MROH9: variants seen among roughly 807,000 people sequenced by gnomAD.
The protein encoded by MROH9 is maestro heat-like repeat-containing protein family member 9.
Under a neutral mutation model 98.2 loss-of-function variants are expected in MROH9, and 92 were observed. The observed-to-expected ratio is 0.94, with a 90% confidence interval of 0.79 to 1.11. The LOEUF (loss-of-function observed/expected upper bound fraction) is 1.11. MROH9 is among the 50% of genes most tolerant of loss of function. The pLI is 0.00. For synonymous variants in MROH9, 397 were observed against 368.9 expected (o/e 1.08, Z -0.87); for missense variants, 1,057 against 1,014.8 (o/e 1.04, Z -0.57).
rs772823483 is a variant in MROH9, at chr1:170,959,491, C to G, written c.182C>G (p.Ser61Cys). 1 of 1,611,330 alleles carries G rather than the reference C, an allele frequency of 6.2e-7. No individual in the cohort carries two copies. The highest frequency in any genetic ancestry group is 1.1e-5 in the South Asian group (1 of 90,180). Residue 61 changes from serine to cysteine, a missense_variant, in exon 5 of 22, where the codon TCT becomes TGT. Transcript: ENST00000367759. ...GTGGATCCCTTACTGCAGTTTGAAT[C>G]TCAGTTGAAGATAATAGAGTCATCC... ...SFVDPLLQFE[S>C]QLKIIESSFG...
intron 4 of MROH9, among the ~76,000 whole-genome samples, chr1:170,958,868 A>G (rs1365390652): frequency 6.6e-6 from 1 of 152,214 alleles, no homozygotes; most frequent in Non-Finnish European, 1.5e-5. Context: ...AAAGCTTAGC[A>G]TGGCTTTGTG....
chr1:170,943,993 T>C (rs1363983085), intron 1 of MROH9, among the ~76,000 whole-genome samples: 2 of 151,952 alleles, frequency 1.3e-5, no homozygotes, highest in Admixed American at 1.3e-4. Flanking sequence ...CTTGAAAGTA[T>C]AAAAATAATA....
intron 6 of MROH9, 59 bp from the exon 7 acceptor site, chr1:170,965,091 GA>G: frequency 8.3e-7 from 1 of 1,206,088 alleles, no homozygotes; most frequent in South Asian, 1.3e-5. Flanking sequence ...AAGAATAGAG[GA>G]AAGGTTCTTG....
chr1:170,972,234 C>A (rs778476826), intron 8 of MROH9, among the ~76,000 whole-genome samples: 1 of 152,112 alleles, frequency 6.6e-6, no homozygotes, highest in Non-Finnish European at 1.5e-5. Context: ...ATCTGATAGA[C>A]TACTCAGAAG....
chr1:170,996,758 CT>C, intron 14 of MROH9, 114 bp downstream of exon 14: 1 of 983,418 alleles, frequency 1.0e-6, no homozygotes, highest in Non-Finnish European at 1.5e-6. Context: ...CCAAATCTCT[CT>C]TAATGATCTG....
At chr1:171,040,617 C>A (rs1430322745) in intron 20 of MROH9, among the ~76,000 whole-genome samples, 1 of 152,066 alleles carries the variant, frequency 6.6e-6, no homozygotes, top group Non-Finnish European at 1.5e-5. Flanking sequence ...AGAATGGACA[C>A]CCTCTAGCCA....
Position 170,992,260 on chromosome 1 carries a change from G to C in MROH9, c.1125G>C (p.Gly375=). 6.2e-7 allele frequency: 1 copy of C among 1,613,534 alleles called. No individual in the cohort carries two copies. Among genetic ancestry groups the C allele is most frequent in the Non-Finnish European group, 8.5e-7 (1 of 1,179,666 alleles). ...TILLILKGKP[G]EMEDTVTEGK... is the part of the protein sequence containing the mutation. Reference sequence around the variant, plus strand: ...TATTGATACTGAAAGGAAAGCCTGGGGAAATGGAGGACACCGTAACGGAAG... The same window carrying C: ...TATTGATACTGAAAGGAAAGCCTGGCGAAATGGAGGACACCGTAACGGAAG... The change falls in exon 12 of 22, where the codon GGG becomes GGC. Residue 375 remains glycine, a synonymous_variant. Transcript: ENST00000367759.
At chr1:171,058,204 GCA>G (rs1304177709) in intron 20 of MROH9, among the ~76,000 whole-genome samples, 1 of 151,910 alleles carries the variant, frequency 6.6e-6, no homozygotes, top group African/African-American at 2.4e-5. Context: ...CAATAGACAA[GCA>G]GAGAGCCAAA....
intron 15 of MROH9, chr1:170,998,680 T>TA (rs1195867262): frequency 3.7e-6 from 4 of 1,093,902 alleles, no homozygotes; most frequent in Non-Finnish European, 4.4e-6. Flanking sequence ...AGTAACTGGG[T>TA]AAAATGAAGA....
At chr1:171,006,067 A>G (rs1651942970) in intron 15 of MROH9, among the ~76,000 whole-genome samples, 1 of 152,144 alleles carries the variant, frequency 6.6e-6, no homozygotes, top group Non-Finnish European at 1.5e-5. Flanking sequence ...GTGTCCTTTT[A>G]TTTCAAGTTG....
At position 170,947,556 on chromosome 1, in the gene MROH9, G is replaced by A. The variant is rs1649381083; in HGVS notation, c.55G>A (p.Val19Met). The A allele has an allele frequency of 6.2e-7, 1 of 1,610,958 alleles. No homozygotes were observed. The highest frequency in any genetic ancestry group is 8.5e-7 in the Non-Finnish European group (1 of 1,177,796). Residue 19 changes from valine (V) to methionine (M), a missense_variant, in exon 3 of 22, where the codon GTG (valine) becomes ATG (methionine). Coordinates refer to ENST00000367759, the MANE Select transcript of MROH9 (RefSeq NM_001163629.2). ...TAGTCTCCAGATTCTGCAAGACAGT[G>A]TGAAATGGCACCACATGGTAAGTGA... Reference protein sequence around the residue: ...KSSLQILQDSVKWHHMAHKVN... With the variant: ...KSSLQILQDSMKWHHMAHKVN...
chr1:170,967,702 G>GTC (rs1181602384), intron 7 of MROH9, among the ~76,000 whole-genome samples: 1 of 152,112 alleles, frequency 6.6e-6, no homozygotes, highest in East Asian at 1.9e-4. Flanking sequence ...GTGATGATTT[G>GTC]TCTCACATGA....
At chr1:170,940,126 A>AG (rs1423548140) in intron 1 of MROH9, among the ~76,000 whole-genome samples, 1 of 152,204 alleles carries the variant, frequency 6.6e-6, no homozygotes, top group African/African-American at 2.4e-5. Context: ...TAAAATCTGT[A>AG]GGGGCCCATT....
chr1:170,944,763 T>A (rs145017328), intron 1 of MROH9, among the ~76,000 whole-genome samples: 1 of 151,956 alleles, frequency 6.6e-6, no homozygotes, highest in African/African-American at 2.4e-5. Context: ...ATCTATGTGG[T>A]AAGTAGAATT....
chr1:171,003,405 T>C (rs1313528356), intron 15 of MROH9, among the ~76,000 whole-genome samples: 1 of 152,180 alleles, frequency 6.6e-6, no homozygotes, highest in Admixed American at 6.6e-5. Context: ...ATGAAGGCTG[T>C]TGTTCAAATT....
chr1:170,944,055 T>C (rs908152462), intron 1 of MROH9, among the ~76,000 whole-genome samples: 2 of 151,972 alleles, frequency 1.3e-5, no homozygotes, highest in Non-Finnish European at 2.9e-5. Flanking sequence ...AGTTAATAAA[T>C]ACATTGATTT....
chr1:170,976,198 T>C (rs1650679129), intron 8 of MROH9, among the ~76,000 whole-genome samples: 1 of 152,186 alleles, frequency 6.6e-6, no homozygotes, highest in Admixed American at 6.5e-5. Context: ...TGATGTTAGC[T>C]GATTAATTAC....
At chr1:171,048,516 C>T (rs1334570346) in intron 20 of MROH9, among the ~76,000 whole-genome samples, 1 of 152,106 alleles carries the variant, frequency 6.6e-6, no homozygotes, top group Admixed American at 6.6e-5. Flanking sequence ...GTGAATGCTG[C>T]CTGGCCCACG....
At chr1:170,961,683 A>G (rs1356412676) in intron 5 of MROH9, among the ~76,000 whole-genome samples, 2 of 152,160 alleles carry the variant, frequency 1.3e-5, no homozygotes, top group South Asian at 2.1e-4. Context: ...TTTTCTTTGT[A>G]TATTTTTTAA....
Sources: gnomAD v4.1 joint callset for allele counts (sites outside exome capture counted in the v4.1 genomes callset) on GRCh38, gnomAD v4.1.1 for gene constraint, MANE v1.5 for transcripts, NCBI Gene and HGNC (gene_info 2026-07-23, HGNC 2026-07-21) for gene names.